Variants in NTNG1 observed in about 807,000 individuals in gnomAD.
The protein encoded by NTNG1 is netrin-G1.
In NTNG1, 16 loss-of-function variants were observed where a neutral mutation model predicts 54.0. That is an observed-to-expected ratio of 0.30 (90% CI 0.20 to 0.45). NTNG1 has a LOEUF of 0.45. Among genes scored for constraint, NTNG1 ranks in the 20% least tolerant of loss-of-function variants. NTNG1 has a pLI of 1.00. For missense variants in NTNG1, 530 were observed against 678.7 expected (o/e 0.78, Z 2.43); for synonymous variants, 255 against 263.1 (o/e 0.97, Z 0.30).
chr1:107,454,975 G>A (rs1457047334), intron 7 of NTNG1, among the ~76,000 whole-genome samples: 2 of 152,052 alleles, frequency 1.3e-5, no homozygotes, highest in African/African-American at 2.4e-5. Flanking sequence ...TGAGCACAGT[G>A]CTGTGCCAAC....
intron 3 of NTNG1, among the ~76,000 whole-genome samples, chr1:107,351,502 T>C (rs186806682): frequency 1.3e-4 from 20 of 152,218 alleles, no homozygotes; most frequent in African/African-American, 4.6e-4. Flanking sequence ...CTACATACTT[T>C]TAAAGAATCA....
chr1:107,362,731 G>A (rs1670371493), intron 3 of NTNG1, among the ~76,000 whole-genome samples: 1 of 152,136 alleles, frequency 6.6e-6, no homozygotes, highest in African/African-American at 2.4e-5. Context: ...CGGCATATAT[G>A]TTAAAACACT....
chr1:107,382,403 G>A (rs796708199), intron 3 of NTNG1, among the ~76,000 whole-genome samples: 3 of 152,244 alleles, frequency 2.0e-5, no homozygotes, highest in Admixed American at 6.5e-5. Flanking sequence ...ATGTGACATT[G>A]ATCCATGTTA....
At chr1:107,376,351 T>C (rs961850325) in intron 3 of NTNG1, among the ~76,000 whole-genome samples, 5 of 150,724 alleles carry the variant, frequency 3.3e-5, no homozygotes, top group Non-Finnish European at 7.4e-5. Flanking sequence ...GAGCTTACAG[T>C]GAGCCGAGGT....
intron 2 of NTNG1, among the ~76,000 whole-genome samples, chr1:107,161,692 C>T (rs1006156784): frequency 1.3e-5 from 2 of 150,186 alleles, no homozygotes; most frequent in Non-Finnish European, 3.0e-5. Context: ...GAAAAAACAC[C>T]AAAAAAACCT....
At chr1:107,174,674 A>G (rs1656506122) in intron 2 of NTNG1, among the ~76,000 whole-genome samples, 1 of 151,976 alleles carries the variant, frequency 6.6e-6, no homozygotes, top group South Asian at 2.1e-4. Context: ...GCTCCACATT[A>G]GAACCTCCTA....
intron 2 of NTNG1, among the ~76,000 whole-genome samples, chr1:107,224,093 C>G (rs1200967799): frequency 1.3e-5 from 2 of 152,152 alleles, no homozygotes; most frequent in African/African-American, 4.8e-5. Context: ...GGCTAAATAA[C>G]TTAAGCTAAC....
chr1:107,185,491 A>G (rs1657385027), intron 2 of NTNG1, among the ~76,000 whole-genome samples: 1 of 152,142 alleles, frequency 6.6e-6, no homozygotes, highest in South Asian at 2.1e-4. Flanking sequence ...AAGGACACAA[A>G]CCATATTGGA....
At chr1:107,433,813 T>C (rs922129290) in intron 6 of NTNG1, among the ~76,000 whole-genome samples, 1 of 152,212 alleles carries the variant, frequency 6.6e-6, no homozygotes, top group Non-Finnish European at 1.5e-5. Flanking sequence ...GGGCTGCCTG[T>C]GCACTAGGCT....
intron 2 of NTNG1, among the ~76,000 whole-genome samples, chr1:107,216,509 G>A (rs1659968748): frequency 6.6e-6 from 1 of 152,130 alleles, no homozygotes; most frequent in Admixed American, 6.6e-5. Flanking sequence ...ACTTGATCAT[G>A]ATGGATTATC....
intron 2 of NTNG1, among the ~76,000 whole-genome samples, chr1:107,283,343 G>C (rs1427773332): frequency 6.6e-6 from 1 of 152,086 alleles, no homozygotes; most frequent in African/African-American, 2.4e-5. Flanking sequence ...AGGATGCCAT[G>C]TTGGTGGAGG....
chr1:107,370,302 GTTGAATCCA>G (rs1417863375), intron 3 of NTNG1, among the ~76,000 whole-genome samples: 3 of 149,950 alleles, frequency 2.0e-5, no homozygotes, highest in African/African-American at 7.3e-5. Flanking sequence ...TTGAGAGTGC[GTTGAATCCA>G]TTGATAAGTT....
chr1:107,156,054 T>A (rs887175921), intron 2 of NTNG1, among the ~76,000 whole-genome samples: 1 of 152,186 alleles, frequency 6.6e-6, no homozygotes, highest in Non-Finnish European at 1.5e-5. Flanking sequence ...GTACACTCTA[T>A]GATGTTCACA....
intron 2 of NTNG1, among the ~76,000 whole-genome samples, chr1:107,199,257 T>G (rs1296910702): frequency 6.9e-6 from 1 of 144,994 alleles, no homozygotes; most frequent in East Asian, 2.0e-4. Context: ...TAGCCAGATC[T>G]CTTCACCAAT....
intron 3 of NTNG1, among the ~76,000 whole-genome samples, chr1:107,362,003 G>A (rs1316094339): frequency 6.6e-6 from 1 of 152,086 alleles, no homozygotes; most frequent in Non-Finnish European, 1.5e-5. Flanking sequence ...GGGGAAGGGA[G>A]AGCCCTGAAC....
chr1:107,271,059 G>A (rs1025874225), intron 2 of NTNG1, among the ~76,000 whole-genome samples: 2 of 151,938 alleles, frequency 1.3e-5, no homozygotes, highest in Non-Finnish European at 2.9e-5. Context: ...ACCACAAAAA[G>A]TAGAAAACAA....
At chr1:107,140,211 T>A (rs1371776463), upstream of NTNG1, 3 of 152,592 alleles carry the variant, frequency 2.0e-5, no homozygotes, top group Admixed American at 1.3e-4. Context: ...TAGTATAAGG[T>A]TTGCTATCCT....
At chr1:107,246,505 T>C (rs1026284304) in intron 2 of NTNG1, among the ~76,000 whole-genome samples, 2 of 152,020 alleles carry the variant, frequency 1.3e-5, no homozygotes, top group Non-Finnish European at 2.9e-5. Context: ...TGTTTTACAA[T>C]GGGGAAATAC....
intron 3 of NTNG1, among the ~76,000 whole-genome samples, chr1:107,358,803 C>G (rs1470142076): frequency 6.6e-6 from 1 of 152,122 alleles, no homozygotes; most frequent in East Asian, 1.9e-4. Flanking sequence ...GTGAGGACAG[C>G]TTTGGTGCCC....
Sources: gnomAD v4.1 joint callset for allele counts (sites outside exome capture counted in the v4.1 genomes callset) on GRCh38, gnomAD v4.1.1 for gene constraint, MANE v1.5 for transcripts, NCBI Gene and HGNC (gene_info 2026-07-23, HGNC 2026-07-21) for gene names.